The following ASAP1 variants were observed in gnomAD, a reference collection of about 807,000 sequenced individuals.
The protein encoded by ASAP1 is ArfGAP with SH3 domain, ankyrin repeat and PH domain 1, also known as arf-GAP with SH3 domain, ANK repeat and PH domain-containing protein 1.
In ASAP1, 43 loss-of-function variants were observed where a neutral mutation model predicts 145.2. That is an observed-to-expected ratio of 0.30 (90% CI 0.23 to 0.38). ASAP1 has a LOEUF of 0.38. Ranked by LOEUF, ASAP1 falls within the 10% of genes least tolerant of loss-of-function variation. ASAP1 has a pLI of 1.00. For synonymous variants in ASAP1, 546 were observed against 515.5 expected (o/e 1.06, Z -0.80); for missense variants, 1,018 against 1,355.3 (o/e 0.75, Z 3.91).
At chr8:130,160,719 G>T in intron 11 of ASAP1, 3 of 1,069,294 alleles carry the variant, frequency 2.8e-6, no homozygotes, top group Non-Finnish European at 3.7e-6. Context: ...TTGAACTGCA[G>T]AACGAGAACA....
At chr8:130,197,262 C>A (rs1004277100) in intron 5 of ASAP1, among the ~76,000 whole-genome samples, 1 of 152,214 alleles carries the variant, frequency 6.6e-6, no homozygotes, top group Admixed American at 6.5e-5. Context: ...ACCCTCATCT[C>A]TACAAAAAAA....
chr8:130,099,465 C>T (rs2097524847), intron 24 of ASAP1, among the ~76,000 whole-genome samples: 1 of 151,834 alleles, frequency 6.6e-6, no homozygotes, highest in Non-Finnish European at 1.5e-5. Context: ...CAGGCATGAG[C>T]CACTGCGCCC....
At chr8:130,301,713 G>C (rs1159133661) in intron 3 of ASAP1, among the ~76,000 whole-genome samples, 2 of 152,074 alleles carry the variant, frequency 1.3e-5, no homozygotes, top group Non-Finnish European at 2.9e-5. Context: ...CATAAAATGG[G>C]ATCATCCTTT....
chr8:130,052,414 A>T lies in ASAP1; in HGVS notation c.*2317T>A, dbSNP rs1284197774. 6.6e-6 allele frequency: 1 copy of T among 151,826 alleles called. No individual in the cohort carries two copies. The highest frequency in any genetic ancestry group is 1.9e-4 in the East Asian group (1 of 5,180). The allele number at this position is 151,826 out of a possible 1,614,324, so 9.4% of individuals were successfully genotyped here. On this transcript the variant is annotated 3_prime_UTR_variant, in exon 30 of 30. Coordinates refer to ENST00000518721, the MANE Select transcript of ASAP1 (RefSeq NM_018482.4). Reference sequence around the variant, plus strand: ...CTGGGGGAAAAAGAACTAATTTGCTATTTTTTTTTCATAAGGTTCCATATC... The same window carrying T: ...CTGGGGGAAAAAGAACTAATTTGCTTTTTTTTTTTCATAAGGTTCCATATC...
chr8:130,361,887 A>G (rs1256857330), intron 2 of ASAP1: 1 of 730,380 alleles, frequency 1.4e-6, no homozygotes, highest in African/African-American at 1.7e-5. Flanking sequence ...GCGCACACAC[A>G]TATTTGTGTG....
At chr8:130,430,914 T>C (rs1587039264) in intron 1 of ASAP1, among the ~76,000 whole-genome samples, 3 of 152,156 alleles carry the variant, frequency 2.0e-5, no homozygotes, top group East Asian at 1.9e-4. Flanking sequence ...GCAGCCAAAG[T>C]GCTGCAGCTG....
rs573957634 is a variant in ASAP1, at chr8:130,350,113, G to A, written c.186+7904C>T. 5.3e-5 allele frequency among the ~76,000 whole-genome samples: 8 copies of A among 152,316 alleles called. No homozygotes were observed. In the South Asian group the frequency reaches 1.5e-3, roughly 28 times the overall value. On this transcript the variant is annotated intron_variant, in intron 3 of 29. Transcript: ENST00000518721. ...CCTAACATCAGGGAAAGCTACTGCGGCCTCGCACAGTGTGTCTTCTGAGAC... is the reference window on the plus strand; with the variant it reads ...CCTAACATCAGGGAAAGCTACTGCGACCTCGCACAGTGTGTCTTCTGAGAC...
At chr8:130,087,389 G>A (rs1235966342) in intron 25 of ASAP1, among the ~76,000 whole-genome samples, 2 of 152,146 alleles carry the variant, frequency 1.3e-5, no homozygotes, top group Middle Eastern at 3.2e-3. Context: ...ACATTGTGGC[G>A]GGTGCCTGCA....
intron 15 of ASAP1, among the ~76,000 whole-genome samples, chr8:130,129,185 C>T (rs573579649): frequency 1.3e-5 from 2 of 152,360 alleles, no homozygotes; most frequent in African/African-American, 4.8e-5. Context: ...TCTCCTGAGG[C>T]CTCCCCAGCC....
chr8:130,125,041 G>A (rs2097572789), intron 17 of ASAP1, among the ~76,000 whole-genome samples: 1 of 152,120 alleles, frequency 6.6e-6, no homozygotes, highest in Admixed American at 6.5e-5. Context: ...AGATGACCAG[G>A]GCTGCTGGCT....
intron 2 of ASAP1, among the ~76,000 whole-genome samples, chr8:130,390,938 C>T (rs574812723): frequency 2.1e-5 from 3 of 145,460 alleles, no homozygotes; most frequent in Admixed American, 6.9e-5. Flanking sequence ...ATATATCCCC[C>T]GCCCCCCCAA....
rs762750291 is a variant in ASAP1, at chr8:130,060,924, C to A, written c.2847G>T (p.Lys949Asn). 2 of 1,610,864 alleles carry A rather than the reference C, an allele frequency of 1.2e-6. No individual in the cohort carries two copies. The highest frequency in any genetic ancestry group is 1.1e-5 in the South Asian group (1 of 90,790). Reference sequence around the variant, plus strand: ...TAGGCGGCAAATCTCCAATTTGGGGCTTGGGGGCCAGTTCTGTGGGCTTTG... The same window carrying A: ...TAGGCGGCAAATCTCCAATTTGGGGATTGGGGGCCAGTTCTGTGGGCTTTG... Reference protein sequence around the residue: ...LPPKPTELAPKPQIGDLPPKP... With the variant: ...LPPKPTELAPNPQIGDLPPKP... The change falls in exon 28 of 30, where the codon AAG becomes AAT. Residue 949 changes from lysine (K) to asparagine (N), a missense_variant. Transcript: ENST00000518721.
chr8:130,346,442 A>G (rs977763460), intron 3 of ASAP1, among the ~76,000 whole-genome samples: 6 of 152,226 alleles, frequency 3.9e-5, no homozygotes, highest in African/African-American at 1.2e-4. Context: ...CATTGCATGC[A>G]TATCTGCATT....
intron 1 of ASAP1, among the ~76,000 whole-genome samples, chr8:130,420,050 C>A (rs1377051802): frequency 6.6e-6 from 1 of 151,938 alleles, no homozygotes; most frequent in Non-Finnish European, 1.5e-5. Flanking sequence ...CTCTGCTCCG[C>A]AAAGTGCTGA....
intron 1 of ASAP1, among the ~76,000 whole-genome samples, chr8:130,415,681 G>A (rs533138460): frequency 2.6e-4 from 39 of 151,884 alleles, no homozygotes; most frequent in African/African-American, 7.2e-4. Flanking sequence ...CCACCTACTC[G>A]GGAGGCTTAG....
intron 4 of ASAP1, among the ~76,000 whole-genome samples, chr8:130,234,402 C>T (rs1455772089): frequency 6.6e-6 from 1 of 152,112 alleles, no homozygotes. Flanking sequence ...TGGAGAGATT[C>T]AATGTTCAAT....
chr8:130,400,535 TCCAGCACTTTGGGAGGCCGAGG>T (rs1345546661), intron 2 of ASAP1, among the ~76,000 whole-genome samples: 41 of 150,806 alleles, frequency 2.7e-4, no homozygotes, highest in African/African-American at 7.3e-4. Context: ...ACGCCTGTAA[TCCAGCACTTTGGGAGGCCGAGG>T]CGGGCAGATC....
At chr8:130,336,462 T>C (rs1435037354) in intron 3 of ASAP1, among the ~76,000 whole-genome samples, 1 of 152,182 alleles carries the variant, frequency 6.6e-6, no homozygotes, top group Non-Finnish European at 1.5e-5. Flanking sequence ...CATTGAAGTT[T>C]GAGAAACACA....
At chr8:130,316,302 T>G (rs983071736) in intron 3 of ASAP1, among the ~76,000 whole-genome samples, 1 of 152,218 alleles carries the variant, frequency 6.6e-6, no homozygotes, top group Non-Finnish European at 1.5e-5. Flanking sequence ...CTCAGCAGTT[T>G]TGGTATCCAT....
Sources: gnomAD v4.1 joint callset for allele counts (sites outside exome capture counted in the v4.1 genomes callset) on GRCh38, gnomAD v4.1.1 for gene constraint, MANE v1.5 for transcripts, NCBI Gene and HGNC (gene_info 2026-07-23, HGNC 2026-07-21) for gene names.